The following NUBPL variants were observed in gnomAD, a reference collection of about 807,000 sequenced individuals.
NUBPL encodes the protein iron-sulfur cluster transfer protein NUBPL.
Under a neutral mutation model 45.7 loss-of-function variants are expected in NUBPL, and 31 were observed. That is an observed-to-expected ratio of 0.68 (90% CI 0.51 to 0.92). The LOEUF is 0.92. Ranked by LOEUF, NUBPL falls within the 40% of genes least tolerant of loss-of-function variation. The probability of loss-of-function intolerance (pLI) is 0.00; values close to 1 mark genes in which losing one functional copy is unlikely to be tolerated. For synonymous variants in NUBPL, 144 were observed against 140.9 expected (o/e 1.02, Z -0.15); for missense variants, 401 against 398.7 (o/e 1.01, Z -0.05).
At chr14:31,793,975 G>T (rs1432609819) in intron 7 of NUBPL, among the ~76,000 whole-genome samples, 1 of 100,054 alleles carries the variant, frequency 1.0e-5, no homozygotes, top group Admixed American at 1.2e-4. Context: ...GTGAGAATAT[G>T]CGGTGTTTGG....
At chr14:31,767,349 C>T (rs2038932979) in intron 6 of NUBPL, among the ~76,000 whole-genome samples, 1 of 152,022 alleles carries the variant, frequency 6.6e-6, no homozygotes, top group African/African-American at 2.4e-5. Flanking sequence ...ACTACAGGCG[C>T]CCGCCACCAT....
At chr14:31,802,762 A>G (rs1334784906) in intron 7 of NUBPL, among the ~76,000 whole-genome samples, 1 of 152,198 alleles carries the variant, frequency 6.6e-6, no homozygotes, top group Non-Finnish European at 1.5e-5. Context: ...ATTGATAATG[A>G]GGTGATGTCC....
intron 6 of NUBPL, among the ~76,000 whole-genome samples, chr14:31,770,337 G>C (rs1019992488): frequency 6.6e-6 from 1 of 152,144 alleles, no homozygotes; most frequent in Non-Finnish European, 1.5e-5. Context: ...GGGTGCCACT[G>C]ATTTAGTTGG....
At chr14:31,600,622 A>C (rs1047942429) in intron 4 of NUBPL, among the ~76,000 whole-genome samples, 3 of 152,260 alleles carry the variant, frequency 2.0e-5, no homozygotes, top group Non-Finnish European at 4.4e-5. Flanking sequence ...ATAGTGATTC[A>C]GAAAGCAGAC....
At chr14:31,650,920 A>G (rs903825191) in intron 4 of NUBPL, among the ~76,000 whole-genome samples, 2 of 152,164 alleles carry the variant, frequency 1.3e-5, no homozygotes, top group Non-Finnish European at 2.9e-5. Flanking sequence ...GCAAGGTGCC[A>G]GGCTCTTTTT....
intron 4 of NUBPL, among the ~76,000 whole-genome samples, chr14:31,628,602 T>C (rs558527853): frequency 1.3e-5 from 2 of 152,362 alleles, no homozygotes; most frequent in African/African-American, 4.8e-5. Context: ...TTTTGTATGC[T>C]AAATACCCAT....
chr14:31,694,337 CATTTGTATAAGGCAGTATT>C (rs1208627177), intron 6 of NUBPL, among the ~76,000 whole-genome samples: 2 of 152,058 alleles, frequency 1.3e-5, no homozygotes, highest in African/African-American at 4.8e-5. Context: ...TTCTTTGAAA[CATTTGTATAAGGCAGTATT>C]ATTTGGTGAG....
intron 7 of NUBPL, among the ~76,000 whole-genome samples, chr14:31,798,331 T>C (rs1290144668): frequency 3.5e-5 from 5 of 144,600 alleles, no homozygotes; most frequent in Non-Finnish European, 6.0e-5. Flanking sequence ...TGCTGTGCTG[T>C]ATATAATATC....
intron 6 of NUBPL, among the ~76,000 whole-genome samples, chr14:31,735,566 G>A (rs1420195930): frequency 6.6e-6 from 1 of 152,134 alleles, no homozygotes; most frequent in Non-Finnish European, 1.5e-5. Context: ...AAACATCAGA[G>A]TGAATGGCCA....
chr14:31,815,035 C>T (rs146937828), intron 7 of NUBPL, among the ~76,000 whole-genome samples: 33 of 152,202 alleles, frequency 2.2e-4, no homozygotes, highest in African/African-American at 6.7e-4. Context: ...TTTTTGATTC[C>T]GTATGAAACT....
intron 7 of NUBPL, among the ~76,000 whole-genome samples, chr14:31,804,930 A>G (rs1315046054): frequency 1.3e-5 from 2 of 152,244 alleles, no homozygotes; most frequent in East Asian, 1.9e-4. Flanking sequence ...AAAAATTGGC[A>G]AAAGGGATCT....
In NUBPL at chr14:31,562,111, A is replaced by G. The variant is rs1345510299; in HGVS notation, c.152A>G (p.Gln51Arg). The change falls in exon 2 of 11, where the codon CAA becomes CGA. Residue 51 changes from glutamine (Q) to arginine (R), a missense_variant. Coordinates refer to ENST00000281081, the MANE Select transcript of NUBPL (RefSeq NM_025152.3). ...GSETLKQRRT[Q>R]IMSRGLPKQK... ...GAGACCCTAAAACAAAGAAGAACAC[A>G]AATCATGTCCCGAGGACTTCCAAAG... The G allele has an allele frequency of 6.2e-7, 1 of 1,612,760 alleles. No individual in the cohort carries two copies. Among genetic ancestry groups the G allele is most frequent in the African/African-American group, 1.3e-5 (1 of 74,936 alleles).
At chr14:31,703,922 A>T (rs796667522) in intron 6 of NUBPL, among the ~76,000 whole-genome samples, 1 of 135,962 alleles carries the variant, frequency 7.4e-6, no homozygotes, top group African/African-American at 2.5e-5. Context: ...CTGCCAAATT[A>T]TCATTTTTAG....
At chr14:31,834,605 T>G (rs975654631) in intron 8 of NUBPL, among the ~76,000 whole-genome samples, 2 of 152,214 alleles carry the variant, frequency 1.3e-5, no homozygotes, top group Non-Finnish European at 2.9e-5. Flanking sequence ...TAATTATTTC[T>G]CAGAGACTGG....
At chr14:31,667,498 G>A (rs8009547) in intron 4 of NUBPL, among the ~76,000 whole-genome samples, 44,960 of 151,536 alleles carry the variant, frequency 0.3, 7,453 homozygotes, top group East Asian at 0.39. Context: ...GTTAGAACAT[G>A]CTCCTTTAGC....
intron 7 of NUBPL, among the ~76,000 whole-genome samples, chr14:31,804,427 T>C (rs752073859): frequency 6.6e-6 from 1 of 152,190 alleles, no homozygotes; most frequent in Non-Finnish European, 1.5e-5. Flanking sequence ...AGATGATTCT[T>C]ATTTAATCAG....
chr14:31,754,474 C>A (rs2038604021), intron 6 of NUBPL, among the ~76,000 whole-genome samples: 2 of 151,660 alleles, frequency 1.3e-5, no homozygotes, highest in Non-Finnish European at 2.9e-5. Flanking sequence ...ATGGAAAATC[C>A]TGTAGGAGAA....
intron 4 of NUBPL, among the ~76,000 whole-genome samples, chr14:31,613,664 G>A (rs1184969850): frequency 1.3e-5 from 2 of 151,960 alleles, no homozygotes; most frequent in African/African-American, 4.8e-5. Context: ...CACCATGTTG[G>A]CCAGGCTGGT....
intron 7 of NUBPL, among the ~76,000 whole-genome samples, chr14:31,793,169 T>C (rs760953527): frequency 1.3e-5 from 2 of 152,096 alleles, no homozygotes; most frequent in African/African-American, 2.4e-5. Context: ...ATTTGATCTC[T>C]CTCTCCTTCC....
Sources: gnomAD v4.1 joint callset for allele counts (sites outside exome capture counted in the v4.1 genomes callset) on GRCh38, gnomAD v4.1.1 for gene constraint, MANE v1.5 for transcripts, NCBI Gene and HGNC (gene_info 2026-07-23, HGNC 2026-07-21) for gene names.